The following RNF41 variants were observed in gnomAD, a reference collection of about 807,000 sequenced individuals.
RNF41 encodes the protein ring finger protein 41.
RNF41 carries 4 observed loss-of-function variants against 33.0 expected under a neutral mutation model. The observed-to-expected ratio is 0.12, with a 90% confidence interval of 0.06 to 0.28. The LOEUF (loss-of-function observed/expected upper bound fraction) is 0.28, where lower values mean the gene tolerates loss of function less well. Among genes scored for constraint, RNF41 ranks in the 10% least tolerant of loss-of-function variants. The pLI is 1.00. For missense variants in RNF41, 228 were observed against 432.6 expected (o/e 0.53, Z 4.19); for synonymous variants, 164 against 153.2 (o/e 1.07, Z -0.52).
rs753386346 is a variant in RNF41 at position 56,206,339 on chromosome 12, C to T, written c.*108G>A. 1.4e-5 allele frequency: 13 copies of T among 956,632 alleles called. No individual in the cohort carries two copies. Among genetic ancestry groups the T allele is most frequent in the Non-Finnish European group, 2.1e-5 (13 of 633,038 alleles). The allele number at this position is 956,632 out of a possible 1,614,324, so 59.3% of individuals were successfully genotyped here. On this transcript the variant is annotated 3_prime_UTR_variant, in exon 7 of 7. Coordinates refer to ENST00000345093, the MANE Select transcript of RNF41 (RefSeq NM_005785.4). This position sits in a 1 kb window ranked among gnomAD's most constrained non-coding sequence, Gnocchi z 5.7. ...CAGAAGGGCAGGGAGATGTGTGGCT[C>T]AGGTATAAGCCACAGTATTAAGAAT...
chr12:56,215,925 C>T (rs1868856150), intron 2 of RNF41, among the ~76,000 whole-genome samples: 1 of 151,718 alleles, frequency 6.6e-6, no homozygotes, highest in Non-Finnish European at 1.5e-5. Flanking sequence ...AGTTCAAGAC[C>T]AGCCTGGCCA....
At chr12:56,219,669 A>ACACACACACACACG (rs1565947309) in intron 1 of RNF41, among the ~76,000 whole-genome samples, 1 of 5,744 alleles carries the variant, frequency 1.7e-4, no homozygotes, top group Admixed American at 9.3e-3. Flanking sequence ...ATATGTGTAT[A>ACACACACACACACG]TACACGCGCG....
At position 56,202,808 on chromosome 12, in the gene RNF41, GCAGA is replaced by G. The variant is rs1166837216; in HGVS notation, c.*3635_*3638del. On this transcript the variant is annotated 3_prime_UTR_variant, in exon 7 of 7. Coordinates refer to ENST00000345093, the MANE Select transcript of RNF41 (RefSeq NM_005785.4). Reference sequence around the variant, plus strand: ...TTCACTCTAGTGAGTATCTCACAGGGCAGACATTCAATGAATATTTGTTTCTAAA... The same window carrying G: ...TTCACTCTAGTGAGTATCTCACAGGGCATTCAATGAATATTTGTTTCTAAA... The G allele has an allele frequency of 6.6e-6, 1 of 152,158 alleles. No homozygotes were observed. The highest frequency in any genetic ancestry group is 1.5e-5 in the Non-Finnish European group (1 of 68,044). 9.4% of individuals were successfully genotyped at this position (152,158 alleles called of 1,614,324 possible).
At chr12:56,210,749 A>G (rs1345288313) in intron 3 of RNF41, among the ~76,000 whole-genome samples, 181 bp from the exon 4 acceptor site, 1 of 152,100 alleles carries the variant, frequency 6.6e-6, no homozygotes, top group Non-Finnish European at 1.5e-5. Context: ...CAGGCTTAAG[A>G]TACGTTTCCT....
In RNF41 at chr12:56,203,345, G is replaced by A. The variant is rs1878675138; in HGVS notation, c.*3102C>T. On this transcript the variant is annotated 3_prime_UTR_variant, in exon 7 of 7. Transcript: ENST00000345093. ...ATCATAGTGGCGTCCCACCATGTCT[G>A]GCTATCCTTTTTCTTATGACAGGGA... The A allele has an allele frequency of 6.7e-6, 1 of 148,872 alleles. No individual in the cohort carries two copies. Among genetic ancestry groups the A allele is most frequent in the African/African-American group, 2.5e-5 (1 of 40,204 alleles). The allele number at this position is 148,872 out of a possible 1,614,324, so 9.2% of individuals were successfully genotyped here. A position where few individuals can be genotyped will look rare whatever the true frequency, so the allele number is the denominator to read the frequency against.
At chr12:56,210,898 G>A (rs1012371041) in intron 3 of RNF41, among the ~76,000 whole-genome samples, 6 of 152,084 alleles carry the variant, frequency 3.9e-5, no homozygotes, top group Admixed American at 6.6e-5. Flanking sequence ...AAAATTAGCC[G>A]GGCATAGGCC....
intron 4 of RNF41, among the ~76,000 whole-genome samples, chr12:56,208,865 CTTTT>C (rs751108778): frequency 1.6e-5 from 2 of 127,498 alleles, no homozygotes; most frequent in Admixed American, 8.0e-5. Flanking sequence ...CGCGCCTGGC[CTTTT>C]TTTTTTTTTT....
At chr12:56,209,457 ATTTTT>A (rs60545688) in intron 4 of RNF41, among the ~76,000 whole-genome samples, 4 of 124,688 alleles carry the variant, frequency 3.2e-5, no homozygotes, top group African/African-American at 1.2e-4. Context: ...CACTTGGCTA[ATTTTT>A]TTTTTTTTTT....
intron 1 of RNF41, among the ~76,000 whole-genome samples, chr12:56,217,480 G>A (rs971316496): frequency 1.1e-4 from 16 of 151,906 alleles, no homozygotes; most frequent in African/African-American, 2.7e-4. Flanking sequence ...CCCAGGAGGC[G>A]GAGGTTGCAG....
chr12:56,209,481 G>C (rs1251080142), intron 4 of RNF41, among the ~76,000 whole-genome samples: 2 of 142,178 alleles, frequency 1.4e-5, no homozygotes, highest in South Asian at 4.4e-4. Context: ...TTTTTGAGAC[G>C]GAGTCTCGCT....
At chr12:56,216,988 A>T (rs1868945011) in intron 1 of RNF41, among the ~76,000 whole-genome samples, 2 of 151,878 alleles carry the variant, frequency 1.3e-5, no homozygotes, top group African/African-American at 2.4e-5. Context: ...AAAATACAAA[A>T]AATTAGCTGG....
chr12:56,202,344 G>T lies in RNF41; in HGVS notation c.*4103C>A. 6.6e-6 allele frequency: 1 copy of T among 152,032 alleles called. No individual in the cohort carries two copies. The highest frequency in any genetic ancestry group is 1.5e-5 in the Non-Finnish European group (1 of 67,990). The allele number at this position is 152,032 out of a possible 1,614,324, so 9.4% of individuals were successfully genotyped here. A position where few individuals can be genotyped will look rare whatever the true frequency, so the allele number is the denominator to read the frequency against. The stretch of plus-strand genomic sequence containing the variant: ...GATGGTGCCACTGCACTCCAGTCTG[G>T]GTGACAGTGTTCTTTCTACTCCCTC... On this transcript the variant is annotated 3_prime_UTR_variant, in exon 7 of 7. Transcript: ENST00000345093.
chr12:56,217,703 A>G (rs1212349703), intron 1 of RNF41, among the ~76,000 whole-genome samples: 1 of 152,204 alleles, frequency 6.6e-6, no homozygotes, highest in East Asian at 1.9e-4. Flanking sequence ...ACAAGCGAGC[A>G]TTAAGGCCTG....
At position 56,208,317 on chromosome 12, in the gene RNF41, A is replaced by G; in HGVS notation, c.363-19T>C. 1 of 1,613,858 alleles carries G rather than the reference A, an allele frequency of 6.2e-7. No homozygotes were observed. Among genetic ancestry groups the G allele is most frequent in the Non-Finnish European group, 8.5e-7 (1 of 1,179,952 alleles). On this transcript the variant is annotated intron_variant, in intron 4 of 6. Coordinates refer to ENST00000345093, the MANE Select transcript of RNF41 (RefSeq NM_005785.4). ...CTCCAGGCTGCAGACCAGGGTGGGG[A>G]AAGAGCAGAACAGAGGTGATCCCTG...
intron 1 of RNF41, among the ~76,000 whole-genome samples, chr12:56,219,512 A>G (rs539705329): frequency 1.8e-4 from 27 of 151,514 alleles, no homozygotes; most frequent in South Asian, 1.5e-3. Flanking sequence ...ATATTTTAGT[A>G]GAGACAGGGT....
rs531178950 is a variant in RNF41 at position 56,211,757 on chromosome 12, G to C, written c.91-1189C>G. On this transcript the variant is annotated intron_variant, in intron 3 of 6. Coordinates refer to ENST00000345093, the MANE Select transcript of RNF41 (RefSeq NM_005785.4). ...GGAGGCTGAGGTGGGCGGATAATGA[G>C]GTCAGGAGATTGAGACCATCCTGGC... Among the ~76,000 whole-genome samples the C allele has an allele frequency of 2.5e-4, 38 of 152,198 alleles. 1 individual carries two copies. In the South Asian group the frequency reaches 6.9e-3, roughly 27 times the overall value.
intron 3 of RNF41, among the ~76,000 whole-genome samples, chr12:56,211,440 A>G (rs930642081): frequency 1.3e-5 from 2 of 152,092 alleles, no homozygotes; most frequent in Admixed American, 1.3e-4. Flanking sequence ...ACAATAAGAG[A>G]TACAAATGAT....
In RNF41 at chr12:56,204,157, C is replaced by T. The variant is rs575519528; in HGVS notation, c.*2290G>A. ...TTCTAAAGCAAAGTTGCTTGTGGGA[C>T]AAAGGAAAAAGATATATACATATCT... On this transcript the variant is annotated 3_prime_UTR_variant, in exon 7 of 7. Coordinates refer to ENST00000345093, the MANE Select transcript of RNF41 (RefSeq NM_005785.4). 5.5e-4 allele frequency: 84 copies of T among 152,218 alleles called. No homozygotes were observed. Among genetic ancestry groups the T allele is most frequent in the African/African-American group, 1.8e-3 (74 of 41,530 alleles). The allele number at this position is 152,218 out of a possible 1,614,324, so 9.4% of individuals were successfully genotyped here.
chr12:56,205,566 A>G lies in RNF41; in HGVS notation c.*881T>C, dbSNP rs940334672. The stretch of plus-strand genomic sequence containing the variant: ...CCATGATCAGGCCATTCTTAAAAAA[A>G]AGAGGGGGGGGGGCAGTAGGTGGAG... On this transcript the variant is annotated 3_prime_UTR_variant, in exon 7 of 7. Transcript: ENST00000345093. 5.0e-5 allele frequency: 7 copies of G among 139,364 alleles called. No homozygotes were observed. Among genetic ancestry groups the G allele is most frequent in the African/African-American group, 2.0e-4 (7 of 35,832 alleles). The allele number at this position is 139,364 out of a possible 1,614,324, so 8.6% of individuals were successfully genotyped here.
Sources: allele counts gnomAD v4.1 joint callset (sites outside exome capture counted in the v4.1 genomes callset), GRCh38; gene constraint gnomAD v4.1.1; non-coding constraint Gnocchi (gnomAD v3.1); transcripts MANE v1.5; gene names NCBI Gene and HGNC (gene_info 2026-07-23, HGNC 2026-07-21).